CHST9: variants seen among roughly 807,000 people sequenced by gnomAD.
CHST9 encodes GalNAc-4-sulfotransferase 2.
CHST9 carries 41 observed loss-of-function variants against 44.4 expected under a neutral mutation model. The observed-to-expected ratio is 0.92, with a 90% CI of 0.72 to 1.20. The LOEUF (loss-of-function observed/expected upper bound fraction) is 1.20, where lower values mean the gene tolerates loss of function less well. Ranked by LOEUF, CHST9 falls within the 50% of genes most tolerant of loss-of-function variation. CHST9 has a pLI of 0.00. For synonymous variants in CHST9, 171 were observed against 178.4 expected (o/e 0.96, Z 0.33); for missense variants, 504 against 516.5 (o/e 0.98, Z 0.23).
chr18:26,975,664 T>TATATA (rs1555673315), intron 4 of CHST9, among the ~76,000 whole-genome samples: 3 of 144,204 alleles, frequency 2.1e-5, no homozygotes, highest in East Asian at 2.1e-4. Context: ...TATATATATA[T>TATATA]ATATAAATAT....
intron 5 of CHST9, among the ~76,000 whole-genome samples, chr18:26,923,125 T>C (rs1381398441): frequency 6.6e-6 from 1 of 152,212 alleles, no homozygotes; most frequent in Non-Finnish European, 1.5e-5. Flanking sequence ...ACTTTATTCA[T>C]ATACAGTTGG....
intron 1 of CHST9, among the ~76,000 whole-genome samples, chr18:27,167,408 T>A (rs994517215): frequency 1.3e-5 from 2 of 152,168 alleles, no homozygotes; most frequent in Admixed American, 1.3e-4. Context: ...CATCAATTTG[T>A]TTTTGCTCTC....
intron 4 of CHST9, among the ~76,000 whole-genome samples, chr18:26,949,909 T>TTCCAGTA (rs2056221200): frequency 6.6e-6 from 1 of 152,104 alleles, no homozygotes; most frequent in African/African-American, 2.4e-5. Flanking sequence ...CCAAGTACTG[T>TTCCAGTA]GGGCAACCTC....
chr18:27,041,961 A>G (rs1598663705), intron 3 of CHST9, among the ~76,000 whole-genome samples: 1 of 152,242 alleles, frequency 6.6e-6, no homozygotes, highest in East Asian at 1.9e-4. Flanking sequence ...ACCCAGAGAA[A>G]ATTGGTTGCT....
chr18:26,970,592 C>G (rs1378533878), intron 4 of CHST9, among the ~76,000 whole-genome samples: 1 of 152,120 alleles, frequency 6.6e-6, no homozygotes, highest in African/African-American at 2.4e-5. Flanking sequence ...CCACACCTGG[C>G]TAATTTTGTA....
intron 2 of CHST9, among the ~76,000 whole-genome samples, chr18:27,130,689 A>G (rs2058463983): frequency 1.3e-5 from 2 of 152,336 alleles, no homozygotes; most frequent in South Asian, 4.1e-4. Flanking sequence ...AAAGTTAGAA[A>G]CAACTTTAAT....
chr18:27,155,635 G>A (rs950559648), intron 1 of CHST9, among the ~76,000 whole-genome samples: 1 of 152,064 alleles, frequency 6.6e-6, no homozygotes, highest in Non-Finnish European at 1.5e-5. Context: ...CAATTATCCT[G>A]TCTACACTTA....
chr18:26,954,391 T>A (rs2056293614), intron 4 of CHST9, among the ~76,000 whole-genome samples: 1 of 152,122 alleles, frequency 6.6e-6, no homozygotes, highest in Admixed American at 6.5e-5. Flanking sequence ...CCCATCAACA[T>A]GTCTCCCCTG....
intron 3 of CHST9, among the ~76,000 whole-genome samples, chr18:27,036,515 C>T (rs1248662313): frequency 6.6e-6 from 1 of 152,118 alleles, no homozygotes; most frequent in Non-Finnish European, 1.5e-5. Flanking sequence ...TGTTTCCCAA[C>T]ATTTTGTTAA....
At chr18:27,049,501 T>C (rs1411524099) in intron 2 of CHST9, among the ~76,000 whole-genome samples, 1 of 152,054 alleles carries the variant, frequency 6.6e-6, no homozygotes, top group African/African-American at 2.4e-5. Context: ...TCCAGGCTTA[T>C]AAAACAAATA....
At chr18:27,068,461 A>T (rs8091416) in intron 2 of CHST9, among the ~76,000 whole-genome samples, 20,284 of 152,080 alleles carry the variant, frequency 0.13, 1,933 homozygotes, top group African/African-American at 0.26. Flanking sequence ...AATTCATATC[A>T]TTATATAAGT....
chr18:27,012,717 G>C (rs2057099588), intron 4 of CHST9, among the ~76,000 whole-genome samples: 1 of 152,122 alleles, frequency 6.6e-6, no homozygotes, highest in Non-Finnish European at 1.5e-5. Flanking sequence ...AAATCACACA[G>C]ACAGGATGTA....
chr18:27,142,746 C>T lies in CHST9; in HGVS notation c.64G>A (p.Val22Ile), dbSNP rs748356318. ...TACATGAAGAGGAGTAGCCCAGCTA[C>T]TCCAAATATCAGCACAGAGAGGAAG... The part of the protein sequence containing the change: ...QVFLSVLIFG[V>I]AGLLLFMYLQ... Residue 22 changes from valine (V) to isoleucine (I), a missense_variant, in exon 2 of 6, where the codon GTA becomes ATA. Physicochemically the swap from Val to Ile is conservative, Grantham distance 29 (BLOSUM62 3). Transcript: ENST00000618847. 1.2e-6 allele frequency: 2 copies of T among 1,612,188 alleles called. No homozygotes were observed. The highest frequency in any genetic ancestry group is 8.5e-7 in the Non-Finnish European group (1 of 1,178,816).
chr18:27,042,509 TTTCC>T (rs2057456459), intron 3 of CHST9, among the ~76,000 whole-genome samples: 1 of 152,088 alleles, frequency 6.6e-6, no homozygotes, highest in Admixed American at 6.6e-5. Context: ...TCCAGACAGC[TTTCC>T]AGATATTATA....
At chr18:27,183,125 G>A (rs923662145) in intron 1 of CHST9, among the ~76,000 whole-genome samples, 1 of 151,332 alleles carries the variant, frequency 6.6e-6, no homozygotes, top group Non-Finnish European at 1.5e-5. Context: ...GGTGGGGGGT[G>A]GGGGGAAAGC....
At chr18:27,017,023 T>A (rs909674298) in intron 4 of CHST9, among the ~76,000 whole-genome samples, 2 of 152,216 alleles carry the variant, frequency 1.3e-5, no homozygotes, top group African/African-American at 2.4e-5. Flanking sequence ...AAGATCATTA[T>A]CTAAAGTCAT....
rs1204781499 is a variant in CHST9, at chr18:27,148,944, G to T, written c.-96-6039C>A. Among the ~76,000 whole-genome samples, 6 of 132,178 alleles carry T rather than the reference G, an allele frequency of 4.5e-5. 1 individual carries two copies. Among genetic ancestry groups the T allele is most frequent in the African/African-American group, 8.2e-5 (3 of 36,592 alleles). The allele number at this position is 132,178 out of a possible 152,430, so 86.7% of individuals were successfully genotyped here. On this transcript the variant is annotated intron_variant, in intron 1 of 5. Transcript: ENST00000618847. ...GTTGTTTCCTGACTTTTTAATGATC[G>T]CCATTCTAACTGGTGTGAGATGGTA... is the stretch of plus-strand genomic sequence containing the variant.
chr18:27,099,808 C>T (rs943050420), intron 2 of CHST9, among the ~76,000 whole-genome samples: 4 of 152,034 alleles, frequency 2.6e-5, no homozygotes, highest in Non-Finnish European at 5.9e-5. Context: ...CTGTGGAAAG[C>T]TAATTCCTTT....
chr18:27,095,836 G>T (rs1442501418), intron 2 of CHST9, among the ~76,000 whole-genome samples: 1 of 152,068 alleles, frequency 6.6e-6, no homozygotes, highest in Non-Finnish European at 1.5e-5. Context: ...CAATGATAGT[G>T]GGGGACTTCA....
Sources: gnomAD v4.1 joint callset for allele counts (sites outside exome capture counted in the v4.1 genomes callset) on GRCh38, gnomAD v4.1.1 for gene constraint, MANE v1.5 for transcripts, NCBI Gene and HGNC (gene_info 2026-07-23, HGNC 2026-07-21) for gene names.